The following ANTXR1 variants were observed in gnomAD, a reference collection of about 807,000 sequenced individuals.
ANTXR1 encodes ANTXR cell adhesion molecule 1.
ANTXR1 carries 19 observed loss-of-function variants against 78.1 expected under a neutral mutation model. The observed-to-expected ratio is 0.24, with a 90% CI of 0.17 to 0.36. ANTXR1 has a LOEUF of 0.36. ANTXR1 is among the 10% of genes least tolerant of loss of function. The probability of loss-of-function intolerance (pLI) is 1.00; values close to 1 mark genes in which losing one functional copy is unlikely to be tolerated. For missense variants in ANTXR1, 518 were observed against 718.6 expected (o/e 0.72, Z 3.19); for synonymous variants, 273 against 260.5 (o/e 1.05, Z -0.46).
chr2:69,225,664 A>T (rs1373539815), intron 17 of ANTXR1, among the ~76,000 whole-genome samples: 1 of 152,072 alleles, frequency 6.6e-6, no homozygotes, highest in Non-Finnish European at 1.5e-5. Flanking sequence ...GGGAGATGGG[A>T]TGCAGGAGAG....
At chr2:69,102,381 C>T (rs940627266) in intron 9 of ANTXR1, among the ~76,000 whole-genome samples, 4 of 152,248 alleles carry the variant, frequency 2.6e-5, no homozygotes, top group Non-Finnish European at 5.9e-5. Context: ...AAAATGTAGG[C>T]ACCGTGGGCT....
At chr2:69,223,870 T>C (rs911639781) in intron 17 of ANTXR1, among the ~76,000 whole-genome samples, 11 of 152,200 alleles carry the variant, frequency 7.2e-5, no homozygotes, top group African/African-American at 2.7e-4. Context: ...ATCTCGAATG[T>C]AGGTGTATAC....
intron 8 of ANTXR1, among the ~76,000 whole-genome samples, chr2:69,078,209 T>C (rs1256055409): frequency 6.6e-6 from 1 of 152,124 alleles, no homozygotes; most frequent in East Asian, 1.9e-4. Context: ...CCAAATAGAA[T>C]ATTGGATGCT....
rs78776556 is a variant in ANTXR1, at chr2:69,208,987, C to T, written c.1434+15572C>T. ...TCACTATCACAGCTCACTGCAGCCC[C>T]GACCTCTCAGGCTCCAGTGATCCTC... On this transcript the variant is annotated intron_variant, in intron 17 of 17. Transcript: ENST00000303714. 2.5e-3 allele frequency among the ~76,000 whole-genome samples: 382 copies of T among 152,258 alleles called. 1 individual carries two copies. Among genetic ancestry groups the T allele is most frequent in the African/African-American group, 8.8e-3 (365 of 41,538 alleles).
intron 17 of ANTXR1, among the ~76,000 whole-genome samples, chr2:69,194,815 T>C (rs995152107): frequency 1.3e-5 from 2 of 151,990 alleles, no homozygotes; most frequent in African/African-American, 4.8e-5. Flanking sequence ...ATCGCACCAC[T>C]GCTCCAGCCT....
chr2:69,113,925 G>A (rs944482322), intron 10 of ANTXR1, among the ~76,000 whole-genome samples: 5 of 152,226 alleles, frequency 3.3e-5, no homozygotes, highest in Non-Finnish European at 7.3e-5. Context: ...TTACTTAGAA[G>A]ATAATTTGTA....
At chr2:69,100,403 G>C (rs1209192517) in intron 9 of ANTXR1, among the ~76,000 whole-genome samples, 1 of 152,056 alleles carries the variant, frequency 6.6e-6, no homozygotes, top group Non-Finnish European at 1.5e-5. Context: ...TTCCTCCACC[G>C]TCTCCCCCTG....
chr2:69,023,753 G>A (rs1671265308), intron 1 of ANTXR1, among the ~76,000 whole-genome samples: 1 of 152,158 alleles, frequency 6.6e-6, no homozygotes, highest in Admixed American at 6.6e-5. Context: ...GAAGACATGG[G>A]GAAACAGTGA....
Position 69,215,413 on chromosome 2 carries a change from T to C in ANTXR1, c.1434+21998T>C, listed in dbSNP as rs984907618. On this transcript the variant is annotated intron_variant, in intron 17 of 17. Transcript: ENST00000303714. ...CCCTATTAGGCAACTTATTAGAATA[T>C]CTTACAGCTCAGAGCATAGTCAAAA... Among the ~76,000 whole-genome samples the C allele has an allele frequency of 3.9e-5, 6 of 152,180 alleles. No homozygotes were observed. The South Asian group carries it at 1.2e-3, about 31-fold the overall frequency.
chr2:69,090,775 T>G (rs1488245535), intron 8 of ANTXR1, 84 bp from the exon 9 acceptor site: 13 of 1,393,178 alleles, frequency 9.3e-6, no homozygotes, highest in Non-Finnish European at 1.3e-5. Flanking sequence ...CCTATCTCTA[T>G]CTCAGTAGCT....
intron 10 of ANTXR1, among the ~76,000 whole-genome samples, chr2:69,122,539 C>T (rs1479784910): frequency 6.6e-6 from 1 of 152,198 alleles, no homozygotes; most frequent in South Asian, 2.1e-4. Context: ...CAGGCAGGAG[C>T]ACTTGAGTTC....
chr2:69,236,226 T>G lies in ANTXR1; in HGVS notation c.1435-8999T>G, dbSNP rs114508750. ...AGTAAAAAAGATCAATAAAAAAAGA[T>G]CAAAACCTCAGTAAAAGTGGGCAAA... On this transcript the variant is annotated intron_variant, in intron 17 of 17. Transcript: ENST00000303714. 5.0e-3 allele frequency among the ~76,000 whole-genome samples: 759 copies of G among 152,150 alleles called. 8 individuals carry two copies. The highest frequency in any genetic ancestry group is 0.018 in the African/African-American group (727 of 41,506).
chr2:69,239,021 C>G (rs61125920), intron 17 of ANTXR1, among the ~76,000 whole-genome samples: 12,908 of 152,174 alleles, frequency 0.085, 1,859 homozygotes, highest in African/African-American at 0.29. Flanking sequence ...CTCACATCTC[C>G]CTGTCATCCC....
intron 10 of ANTXR1, among the ~76,000 whole-genome samples, chr2:69,108,575 G>A (rs1469071400): frequency 6.6e-6 from 1 of 152,132 alleles, no homozygotes; most frequent in Non-Finnish European, 1.5e-5. Flanking sequence ...CAGGTATTAA[G>A]CCTAGTACCC....
chr2:69,190,226 A>T (rs1371372248), intron 16 of ANTXR1, among the ~76,000 whole-genome samples: 1 of 152,226 alleles, frequency 6.6e-6, no homozygotes, highest in East Asian at 1.9e-4. Flanking sequence ...TCCCCAAAGA[A>T]CCAAGCAAAA....
rs1289489697 is a variant in ANTXR1, at chr2:69,013,355, A to C, written c.-145A>C. 8.7e-6 allele frequency: 10 copies of C among 1,150,970 alleles called. No individual in the cohort carries two copies. The allele number at this position is 1,150,970 out of a possible 1,614,324, so 71.3% of individuals were successfully genotyped here. Reference sequence around the variant, plus strand: ...GAGGGGAAACCTTGAACTCCTCCAGACAATTGCTTCCGGGGAGTTGCGAGG... The same window carrying C: ...GAGGGGAAACCTTGAACTCCTCCAGCCAATTGCTTCCGGGGAGTTGCGAGG... On this transcript the variant is annotated 5_prime_UTR_variant, in exon 1 of 18. Coordinates refer to ENST00000303714, the MANE Select transcript of ANTXR1 (RefSeq NM_032208.3). The surrounding 1 kb of genome is among the most constrained non-coding windows in gnomAD (Gnocchi z 5.0).
chr2:69,173,302 T>C (rs1311517141), intron 14 of ANTXR1, among the ~76,000 whole-genome samples: 2 of 152,240 alleles, frequency 1.3e-5, no homozygotes, highest in African/African-American at 4.8e-5. Flanking sequence ...CTCCATCTGA[T>C]ATTTCTAGTC....
chr2:69,026,532 T>C (rs1009710650), intron 1 of ANTXR1, among the ~76,000 whole-genome samples: 2 of 152,244 alleles, frequency 1.3e-5, no homozygotes, highest in African/African-American at 4.8e-5. Context: ...TATTCATCTT[T>C]ATATAGACTA....
intron 9 of ANTXR1, among the ~76,000 whole-genome samples, chr2:69,095,632 A>G (rs565257472): frequency 6.6e-6 from 1 of 152,294 alleles, no homozygotes; most frequent in Non-Finnish European, 1.5e-5. Flanking sequence ...TTGGGGAGGA[A>G]TTCAGTGAGG....
Sources: gnomAD v4.1 joint callset for allele counts (sites outside exome capture counted in the v4.1 genomes callset) on GRCh38, gnomAD v4.1.1 for gene constraint, Gnocchi (gnomAD v3.1) non-coding constraint, MANE v1.5 for transcripts, NCBI Gene and HGNC (gene_info 2026-07-23, HGNC 2026-07-21) for gene names.